The following ABCA2 variants were observed in gnomAD, a reference collection of about 807,000 sequenced individuals.
ABCA2 encodes ATP-binding cassette sub-family A member 2.
ABCA2 carries 84 observed loss-of-function variants against 262.8 expected under a neutral mutation model. The observed-to-expected ratio is 0.32, with a 90% confidence interval of 0.27 to 0.38. ABCA2 has a LOEUF of 0.38. Among genes scored for constraint, ABCA2 ranks in the 10% least tolerant of loss-of-function variants. ABCA2 has a pLI of 1.00. For synonymous variants in ABCA2, 1,696 were observed against 1,502.9 expected, an observed-to-expected ratio of 1.13 and a Z score of -2.97; for missense variants, 2,662 against 3,405.9, an observed-to-expected ratio of 0.78 and a Z score of 5.44.
intron 25 of ABCA2, 31 bp from the exon 26 acceptor site, chr9:137,014,841 C>G: frequency 6.3e-7 from 1 of 1,584,958 alleles, no homozygotes; most frequent in Non-Finnish European, 8.6e-7. Context: ...GAGGCTGCGG[C>G]AGGGACGCCC....
Position 137,011,517 on chromosome 9 carries a change from A to C in ABCA2, c.5689T>G (p.Trp1897Gly), listed in dbSNP as rs1831043928. Residue 1897 changes from tryptophan to glycine, a missense_variant, in exon 37 of 49, where the codon TGG (tryptophan) becomes GGG (glycine). Trp to Gly is a radical substitution (Grantham distance 184). Around this residue, in one of 12 missense-constraint regions of ABCA2, gnomAD observed 602 missense variants for 897.4 expected, o/e 0.67. Transcript: ENST00000341511. This position sits in a 1 kb window ranked among gnomAD's most constrained non-coding sequence, Gnocchi z 8.8. ...ITPIMYPASF[W>G]FEVPSSAYVF... ...TAGGCGGAGCTGGGGACCTCGAACCAGAAGGAGGCCGGGTACATGATGGGC... is the reference window on the plus strand; with the variant it reads ...TAGGCGGAGCTGGGGACCTCGAACCCGAAGGAGGCCGGGTACATGATGGGC... 6.3e-7 allele frequency: 1 copy of C among 1,595,284 alleles called. No homozygotes were observed. The highest frequency in any genetic ancestry group is 1.3e-5 in the African/African-American group (1 of 74,604).
Position 137,021,988 on chromosome 9 carries a change from A to G in ABCA2, c.581T>C (p.Leu194Pro). Residue 194 changes from leucine (L) to proline (P), a missense_variant, in exon 7 of 49, where the codon CTC becomes CCC. Transcript: ENST00000341511. The surrounding 1 kb of genome is among the most constrained non-coding windows in gnomAD (Gnocchi z 6.0). ...ATCCAGGGCAGATGAGGGACCAAAG[A>G]GCAGGTGGTAGACCTAGGAGGTGTG... ...RVDPPEVYHL[L>P]FGPSSALDSQ... 6.3e-6 allele frequency: 9 copies of G among 1,434,940 alleles called. No individual in the cohort carries two copies. The highest frequency in any genetic ancestry group is 8.3e-6 in the Non-Finnish European group (9 of 1,081,140). The allele number at this position is 1,434,940 out of a possible 1,614,324, so 88.9% of individuals were successfully genotyped here.
chr9:137,028,777 G>A (rs1384613369), upstream of ABCA2: 1 of 1,289,522 alleles, frequency 7.8e-7, no homozygotes, highest in Non-Finnish European at 1.0e-6. This position sits in a 1 kb window ranked among gnomAD's most constrained non-coding sequence, Gnocchi z 6.9. Context: ...GCCAGCGGAA[G>A]GGGGGAAACT....
At position 137,008,445 on chromosome 9, in the gene ABCA2, C is replaced by A; in HGVS notation, c.7246G>T (p.Glu2416Ter). The A allele has an allele frequency of 6.4e-7, 1 of 1,554,664 alleles. No homozygotes were observed. Among genetic ancestry groups the A allele is most frequent in the Non-Finnish European group, 8.7e-7 (1 of 1,149,600 alleles). ...DEPEDLDTED[E>*]GLISFEEERA... ...TCCTCCTCGAAGCTGATGAGGCCCT[C>A]GTCCTCCGTGTCCAGGTCCTCGGGC... The change falls in exon 48 of 49, where the codon GAG (glutamate) becomes TAG (stop). Residue 2416 changes from glutamate to a stop codon, truncating the protein, a stop_gained. Transcript: ENST00000341511. LOFTEE classifies it high-confidence loss of function.
intron 30 of ABCA2, 35 bp from the exon 31 acceptor site, chr9:137,012,960 C>T (rs1831115513): frequency 1.4e-6 from 2 of 1,481,068 alleles, no homozygotes; most frequent in Admixed American, 2.2e-5. Flanking sequence ...AGAAGGACCC[C>T]TCACTGCCCC....
At position 137,012,491 on chromosome 9, in the gene ABCA2, A is replaced by T. The variant is rs779293568; in HGVS notation, c.5181T>A (p.Ala1727=). The part of the protein sequence containing the change: ...PMVRKIAVRR[A]AQVFYNNKGY... ...GGCCCGCAGCCTCGCTCACCTGGGC[A>T]GCCCTGCGCACCGCGATCTTCCGCA... is the stretch of plus-strand genomic sequence containing the variant. Residue 1727 remains alanine, a synonymous_variant, in exon 32 of 49, where the codon GCT becomes GCA. Transcript: ENST00000341511. The T allele has an allele frequency of 6.2e-7, 1 of 1,611,538 alleles. No homozygotes were observed. The highest frequency in any genetic ancestry group is 2.2e-5 in the East Asian group (1 of 44,858).
chr9:137,012,155 G>A lies in ABCA2; in HGVS notation c.5307C>T (p.Thr1769=), dbSNP rs760946277. The stretch of plus-strand genomic sequence containing the variant: ...TCTTATTCATGGGGTGGTTGGTGAC[G>A]GTGATGCCTGCACACGGCGGGGCGG... The part of the protein sequence containing the change: ...SKGNPAAYGI[T]VTNHPMNKTS... Residue 1769 remains threonine (T), a synonymous_variant, in exon 34 of 49, where the codon ACC becomes ACT. Transcript: ENST00000341511. The A allele has an allele frequency of 2.2e-5, 36 of 1,612,230 alleles. No homozygotes were observed. The highest frequency in any genetic ancestry group is 1.6e-4 in the Middle Eastern group (1 of 6,078).
chr9:137,018,361 G>C lies in ABCA2; in HGVS notation c.1820-10C>G, dbSNP rs778950465. On this transcript the variant is annotated splice_polypyrimidine_tract_variant and intron_variant, in intron 13 of 48. Transcript: ENST00000341511. The stretch of plus-strand genomic sequence containing the variant: ...GTCTGGAAGATCACACCTGGGGCCG[G>C]GAGGTTGGGGCGGGGCCAAGATGCA... 1 of 1,589,368 alleles carries C rather than the reference G, an allele frequency of 6.3e-7. No individual in the cohort carries two copies. Among genetic ancestry groups the C allele is most frequent in the African/African-American group, 1.5e-5 (1 of 68,712 alleles).
intron 6 of ABCA2, 139 bp downstream of exon 6, chr9:137,022,212 G>A: frequency 5.5e-6 from 6 of 1,085,576 alleles, no homozygotes; most frequent in South Asian, 4.9e-5. Context: ...GAGAGTGGGG[G>A]CGTGGCTCAG....
chr9:137,023,598 G>A, intron 3 of ABCA2: 1 of 736,326 alleles, frequency 1.4e-6, no homozygotes. Flanking sequence ...CAGGCAGAGA[G>A]ATGCCGCCTC....
intron 44 of ABCA2, 36 bp downstream of exon 44, chr9:137,009,505 G>A (rs367716309): frequency 3.1e-6 from 5 of 1,612,098 alleles, no homozygotes; most frequent in Non-Finnish European, 4.2e-6. Context: ...GGTGCTGTGG[G>A]GTGGGGGCAC....
Position 137,013,319 on chromosome 9 carries a change from C to T in ABCA2, c.4551-1G>A. The T allele has an allele frequency of 6.5e-7, 1 of 1,543,230 alleles. No homozygotes were observed. The highest frequency in any genetic ancestry group is 8.7e-7 in the Non-Finnish European group (1 of 1,151,332). On this transcript the variant is annotated splice_acceptor_variant, in intron 29 of 48. Coordinates refer to ENST00000341511, the MANE Select transcript of ABCA2 (RefSeq NM_001606.5). LOFTEE classifies it high-confidence loss of function. ...GCTGGCGTCGGGCGATAGCCGCAGC[C>T]TGCGGGCACCGACAGTGTGAGGTGG...
At position 137,015,057 on chromosome 9, in the gene ABCA2, C is replaced by G. The variant is rs985327080; in HGVS notation, c.3738G>C (p.Leu1246=). Residue 1246 remains leucine (L), a synonymous_variant, in exon 25 of 49, where the codon CTG becomes CTC. Transcript: ENST00000341511. ...ACACCTGGAGCTCGGAGCAGCTGCT[C>G]AGCGGGGCCCGACCTGGGGGGCTGG... ...LASSPPGRAP[L]SSCSELQVSQ... is the part of the protein sequence containing the mutation. 6 of 1,605,046 alleles carry G rather than the reference C, an allele frequency of 3.7e-6. No individual in the cohort carries two copies. The highest frequency in any genetic ancestry group is 5.1e-6 in the Non-Finnish European group (6 of 1,176,164).
rs1831562625 is a variant in ABCA2 at position 137,023,850 on chromosome 9, A to G, written c.161-10T>C. 1.2e-6 allele frequency: 1 copy of G among 835,664 alleles called. No individual in the cohort carries two copies. 51.8% of individuals were successfully genotyped at this position (835,664 alleles called of 1,614,324 possible). On this transcript the variant is annotated splice_polypyrimidine_tract_variant and intron_variant, in intron 2 of 48. Transcript: ENST00000341511. ...GCCGCTCACTTACAGACTGCATGCC[A>G]GCCGAGGACAAGAGACCATGCGGGG...
At chr9:137,017,732 G>C in intron 16 of ABCA2, 40 bp from the exon 17 acceptor site, 1 of 1,608,686 alleles carries the variant, frequency 6.2e-7, no homozygotes, top group Non-Finnish European at 8.5e-7. Context: ...CCCCGGGGAG[G>C]ACGCCGCCCC....
intron 5 of ABCA2, 38 bp downstream of exon 5, chr9:137,022,664 C>T (rs780483343): frequency 5.7e-6 from 9 of 1,588,504 alleles, no homozygotes; most frequent in Admixed American, 5.2e-5. Context: ...GAGCTTTGCC[C>T]GCAGCCCTGC....
Position 137,019,132 on chromosome 9 carries a change from T to TC in ABCA2, c.1554+45dup. The TC allele has an allele frequency of 6.2e-7, 1 of 1,603,568 alleles. No individual in the cohort carries two copies. The highest frequency in any genetic ancestry group is 8.5e-7 in the Non-Finnish European group (1 of 1,173,640). On this transcript the variant is annotated intron_variant, in intron 11 of 48. Coordinates refer to ENST00000341511, the MANE Select transcript of ABCA2 (RefSeq NM_001606.5). The surrounding 1 kb of genome is among the most constrained non-coding windows in gnomAD (Gnocchi z 4.4). ...CCTGCCGAGCCGGGCAGAGAGGGGC[T>TC]CCCCACACCACCCACAGCCGCCTCC...
chr9:137,010,713 A>G lies in ABCA2; in HGVS notation c.6081T>C (p.Pro2027=). Residue 2027 remains proline, a synonymous_variant, in exon 40 of 49, where the codon CCT becomes CCC. Coordinates refer to ENST00000341511, the MANE Select transcript of ABCA2 (RefSeq NM_001606.5). ...RPQRMPVSTK[P]VEDDVDVASE... ...TGGCCACGTCCACATCATCCTCCACAGGCTTGGTAGACACAGGCATGCGCC... is the reference window on the plus strand; with the variant it reads ...TGGCCACGTCCACATCATCCTCCACGGGCTTGGTAGACACAGGCATGCGCC... The G allele has an allele frequency of 6.2e-7, 1 of 1,612,108 alleles. No individual in the cohort carries two copies. The highest frequency in any genetic ancestry group is 1.1e-5 in the South Asian group (1 of 91,068).
Position 137,014,733 on chromosome 9 carries a change from G to A in ABCA2, c.3960C>T (p.Leu1320=). 1 of 1,604,574 alleles carries A rather than the reference G, an allele frequency of 6.2e-7. No homozygotes were observed. Among genetic ancestry groups the A allele is most frequent in the Non-Finnish European group, 8.5e-7 (1 of 1,176,816 alleles). Residue 1320 remains leucine, a synonymous_variant, in exon 26 of 49, where the codon CTC becomes CTT. Transcript: ENST00000341511. ...GCGACTGATCCTCCTCCGACACCTT[G>A]AGGAACACTTCCTCCAGGGTCGTGT... The part of the protein sequence containing the change: ...LMDTTLEEVF[L]KVSEEDQSLE...
Sources: allele counts gnomAD v4.1 joint callset, GRCh38; gene constraint gnomAD v4.1.1; regional missense constraint gnomAD v4.1.1; non-coding constraint Gnocchi (gnomAD v3.1); transcripts MANE v1.5; gene names NCBI Gene and HGNC (gene_info 2026-07-23, HGNC 2026-07-21).